PHF24: variants seen among roughly 807,000 people sequenced by gnomAD.
PHF24 encodes the protein Galpha inhibitory interacting protein.
A neutral mutation model predicts 42.6 loss-of-function variants in PHF24; 25 were observed. That is an observed-to-expected ratio of 0.59 (90% confidence interval 0.43 to 0.82). The LOEUF (loss-of-function observed/expected upper bound fraction) is 0.82, where lower values mean the gene tolerates loss of function less well. Ranked by LOEUF, PHF24 falls within the 40% of genes least tolerant of loss-of-function variation. The pLI, the probability that PHF24 is intolerant of heterozygous loss-of-function variation, is 0.00. For missense variants in PHF24, 470 were observed against 538.1 expected (o/e 0.87, Z 1.25); for synonymous variants, 185 against 204.8 (o/e 0.90, Z 0.83).
the PHF24 span, among the ~76,000 whole-genome samples, chr9:34,874,900 A>C: frequency 6.6e-6 from 1 of 152,158 alleles, no homozygotes; most frequent in Non-Finnish European, 1.5e-5. Context: ...TGAAATAGGC[A>C]CGTCATGGAG....
chr9:34,881,706 G>A, the PHF24 span, among the ~76,000 whole-genome samples: 2 of 152,208 alleles, frequency 1.3e-5, no homozygotes, highest in Admixed American at 6.5e-5. Context: ...CTCTGAAATT[G>A]AGGCAATAAT....
At chr9:34,888,593 A>G in the PHF24 span, among the ~76,000 whole-genome samples, 4 of 152,218 alleles carry the variant, frequency 2.6e-5, no homozygotes, top group Non-Finnish European at 4.4e-5. Flanking sequence ...GGGAGATTCT[A>G]TCATCTGGTT....
chr9:34,692,785 C>CTTTT, the PHF24 span, among the ~76,000 whole-genome samples: 6 of 120,062 alleles, frequency 5.0e-5, no homozygotes, highest in East Asian at 4.9e-4. Context: ...TTCTTTTGTC[C>CTTTT]TTTTTTTTTT....
the PHF24 span, among the ~76,000 whole-genome samples, chr9:34,684,439 C>G: frequency 2.6e-5 from 4 of 152,118 alleles, no homozygotes; most frequent in African/African-American, 9.7e-5. Flanking sequence ...GAGGATGGTG[C>G]CCCCTGGAGT....
At chr9:34,699,607 G>C in the PHF24 span, among the ~76,000 whole-genome samples, 1 of 152,190 alleles carries the variant, frequency 6.6e-6, no homozygotes, top group African/African-American at 2.4e-5. Flanking sequence ...TGGCGGAGAG[G>C]TTTTAATTCA....
chr9:34,866,260 A>T, the PHF24 span, among the ~76,000 whole-genome samples: 1 of 152,212 alleles, frequency 6.6e-6, no homozygotes, highest in African/African-American at 2.4e-5. Flanking sequence ...TCTACCCAGC[A>T]CTAAGGCAAG....
At chr9:34,736,988 G>A in the PHF24 span, among the ~76,000 whole-genome samples, 2 of 152,140 alleles carry the variant, frequency 1.3e-5, no homozygotes, top group Non-Finnish European at 2.9e-5. Flanking sequence ...GCCAATCATT[G>A]ATTCTCTCAC....
At chr9:34,752,805 A>G in the PHF24 span, among the ~76,000 whole-genome samples, 1 of 152,120 alleles carries the variant, frequency 6.6e-6, no homozygotes, top group Non-Finnish European at 1.5e-5. Context: ...CTAGCAAACC[A>G]AATTCAACAA....
At chr9:34,749,429 G>A in the PHF24 span, among the ~76,000 whole-genome samples, 1 of 152,000 alleles carries the variant, frequency 6.6e-6, no homozygotes, top group African/African-American at 2.4e-5. Context: ...ACTCCTTAAA[G>A]TCAAGGATAT....
the PHF24 span, among the ~76,000 whole-genome samples, chr9:34,815,914 A>G: frequency 6.6e-6 from 1 of 152,148 alleles, no homozygotes; most frequent in Non-Finnish European, 1.5e-5. Context: ...CTCAGGGGAC[A>G]GGTTTGCTCC....
the PHF24 span, among the ~76,000 whole-genome samples, chr9:34,730,149 G>T: frequency 1.3e-5 from 2 of 152,218 alleles, no homozygotes; most frequent in African/African-American, 2.4e-5. Context: ...CTGACTGTGG[G>T]TCACAAGTGA....
chr9:34,938,190 A>G, the PHF24 span, among the ~76,000 whole-genome samples: 5 of 152,210 alleles, frequency 3.3e-5, no homozygotes, highest in East Asian at 9.6e-4. Context: ...GTTCTAGCAT[A>G]TGGTCTCTTA....
the PHF24 span, among the ~76,000 whole-genome samples, chr9:34,914,952 ATTTT>A: frequency 7.6e-5 from 9 of 118,474 alleles, no homozygotes; most frequent in Admixed American, 2.8e-4. Flanking sequence ...TGCCTGGCTA[ATTTT>A]TTTTTTTTTT....
chr9:34,926,181 C>T, the PHF24 span, among the ~76,000 whole-genome samples: 1 of 152,210 alleles, frequency 6.6e-6, no homozygotes, highest in Non-Finnish European at 1.5e-5. This position sits in a 1 kb window ranked among gnomAD's most constrained non-coding sequence, Gnocchi z 4.3. Flanking sequence ...CATGTGTGTG[C>T]ATATGGTGAG....
chr9:34,935,994 C>CA, the PHF24 span, among the ~76,000 whole-genome samples: 3,812 of 142,732 alleles, frequency 0.027, 142 homozygotes, highest in African/African-American at 0.086. Flanking sequence ...TAAGAGTCCT[C>CA]AAAAAAAAAA....
exon 3 of PHF24, chr9:34,972,416 G>A (rs1827025403): frequency 1.9e-6 from 3 of 1,614,158 alleles, no homozygotes; most frequent in African/African-American, 2.7e-5. Context: ...TGCAGGGTCT[G>A]CACCAGGGTT....
chr9:34,760,659 C>T, the PHF24 span, among the ~76,000 whole-genome samples: 23 of 152,218 alleles, frequency 1.5e-4, no homozygotes, highest in Non-Finnish European at 3.1e-4. Flanking sequence ...GCAGCACGCC[C>T]CCACCCAATA....
chr9:34,759,074 T>C, the PHF24 span, among the ~76,000 whole-genome samples: 2 of 152,178 alleles, frequency 1.3e-5, no homozygotes, highest in African/African-American at 4.8e-5. Context: ...TGTTCCTTTT[T>C]GTAGTGGACA....
chr9:34,740,567 C>T, the PHF24 span, among the ~76,000 whole-genome samples: 5 of 152,228 alleles, frequency 3.3e-5, no homozygotes, highest in Non-Finnish European at 7.3e-5. Context: ...CCTGGAACTC[C>T]AGCTGGCCCG....
Sources: gnomAD v4.1 joint callset for allele counts (sites outside exome capture counted in the v4.1 genomes callset) on GRCh38, gnomAD v4.1.1 for gene constraint, Gnocchi (gnomAD v3.1) non-coding constraint, MANE v1.5 for transcripts, NCBI Gene and HGNC (gene_info 2026-07-23, HGNC 2026-07-21) for gene names.